Variants in PCDH15 observed in about 807,000 individuals in gnomAD.
The protein encoded by PCDH15 is protocadherin-15.
A neutral mutation model predicts 178.5 loss-of-function variants in PCDH15; 129 were observed. The observed-to-expected ratio is 0.72, with a 90% CI of 0.63 to 0.84. The LOEUF is 0.84. Among genes scored for constraint, PCDH15 ranks in the 40% least tolerant of loss-of-function variants. The probability of loss-of-function intolerance (pLI) is 0.00; values close to 1 mark genes in which losing one functional copy is unlikely to be tolerated. For synonymous variants in PCDH15, 800 were observed against 732.0 expected (o/e 1.09, Z -1.50); for missense variants, 2,230 against 2,099.9 (o/e 1.06, Z -1.21).
chr10:55,222,710 T>TACACACACACAGACACACAC (rs1554842351), intron 1 of PCDH15, among the ~76,000 whole-genome samples: 121 of 42,150 alleles, frequency 2.9e-3, no homozygotes, highest in Middle Eastern at 0.01. Context: ...TATATCTTTA[T>TACACACACACAGACACACAC]ACACACACAC....
chr10:54,233,399 T>A (rs949828150), intron 9 of PCDH15, among the ~76,000 whole-genome samples: 2 of 152,220 alleles, frequency 1.3e-5, no homozygotes, highest in Non-Finnish European at 2.9e-5. Context: ...CCATGAGTCA[T>A]TGATTAAAGA....
chr10:54,083,951 C>T (rs968338363), intron 16 of PCDH15, among the ~76,000 whole-genome samples: 4 of 152,040 alleles, frequency 2.6e-5, no homozygotes, highest in Non-Finnish European at 2.9e-5. Context: ...TTTGGCCAGG[C>T]GCGGTGGCTC....
At chr10:54,555,469 C>T (rs977010393) in intron 2 of PCDH15, among the ~76,000 whole-genome samples, 1 of 151,944 alleles carries the variant, frequency 6.6e-6, no homozygotes, top group Non-Finnish European at 1.5e-5. Flanking sequence ...CGGTGGCTCA[C>T]GCCTGTAATC....
intron 1 of PCDH15, among the ~76,000 whole-genome samples, chr10:55,315,706 G>A (rs747591507): frequency 6.6e-6 from 1 of 152,090 alleles, no homozygotes; most frequent in Admixed American, 6.6e-5. Context: ...AATGAAGTCT[G>A]CAAACTTTCT....
chr10:54,863,270 C>T (rs577185188), intron 3 of PCDH15, among the ~76,000 whole-genome samples: 111 of 152,244 alleles, frequency 7.3e-4, no homozygotes, highest in African/African-American at 2.5e-3. Context: ...AGGCAGGGCA[C>T]GGTGGCTCAC....
At chr10:55,320,451 T>C (rs1347961563), upstream of PCDH15, among the ~76,000 whole-genome samples, 5 of 150,922 alleles carry the variant, frequency 3.3e-5, no homozygotes, top group East Asian at 6.1e-4. Flanking sequence ...TCAGCAAGCA[T>C]GCACCCTGCC....
intron 1 of PCDH15, among the ~76,000 whole-genome samples, chr10:54,745,210 C>G (rs1464821967): frequency 1.3e-5 from 2 of 152,034 alleles, no homozygotes; most frequent in Non-Finnish European, 2.9e-5. Flanking sequence ...TCTTCCAAAG[C>G]TAAGTTGATT....
intron 2 of PCDH15, among the ~76,000 whole-genome samples, chr10:55,156,159 T>C (rs1838883386): frequency 6.6e-6 from 1 of 152,172 alleles, no homozygotes; most frequent in South Asian, 2.1e-4. Flanking sequence ...TGGATAATGA[T>C]CCTTCATGTG....
rs151018875 is a variant in PCDH15, at chr10:54,081,101, C to T, written c.1998-1677G>A. ...TATTTACGATGAATTACAAAACTCACGTGATAACTGAGTTGATTTCCTACC... is the reference window on the plus strand; with the variant it reads ...TATTTACGATGAATTACAAAACTCATGTGATAACTGAGTTGATTTCCTACC... On this transcript the variant is annotated intron_variant, in intron 16 of 37. Coordinates refer to ENST00000644397, the MANE Select transcript of PCDH15 (RefSeq NM_001384140.1). Among the ~76,000 whole-genome samples the T allele has an allele frequency of 8.2e-3, 1,252 of 152,100 alleles. 14 individuals carry two copies. The highest frequency in any genetic ancestry group is 0.029 in the African/African-American group (1,187 of 41,512).
chr10:54,440,501 C>T (rs926068966), intron 3 of PCDH15, among the ~76,000 whole-genome samples: 2 of 151,820 alleles, frequency 1.3e-5, no homozygotes, highest in African/African-American at 4.8e-5. Context: ...ATTCTAGATA[C>T]ATTTATTTGG....
At chr10:54,954,357 A>G (rs891458394) in intron 2 of PCDH15, among the ~76,000 whole-genome samples, 3 of 151,206 alleles carry the variant, frequency 2.0e-5, no homozygotes, top group Non-Finnish European at 1.5e-5. Context: ...AAAAATTCTA[A>G]TATCTTCCTA....
At chr10:53,850,457 C>G (rs924814375) in intron 28 of PCDH15, among the ~76,000 whole-genome samples, 18 of 152,058 alleles carry the variant, frequency 1.2e-4, no homozygotes, top group African/African-American at 4.3e-4. Context: ...GGTTACTTCT[C>G]TACTAAATAA....
chr10:53,916,926 T>C (rs780239023), intron 25 of PCDH15, among the ~76,000 whole-genome samples: 1 of 96,122 alleles, frequency 1.0e-5, no homozygotes, highest in Non-Finnish European at 2.1e-5. Context: ...ACATTATTAC[T>C]AATACCAGAA....
At chr10:54,900,766 C>T (rs957002736) in intron 2 of PCDH15, among the ~76,000 whole-genome samples, 4 of 152,112 alleles carry the variant, frequency 2.6e-5, no homozygotes, top group African/African-American at 4.8e-5. Flanking sequence ...TAACCTTCAG[C>T]GACCCAGTTT....
At chr10:54,728,470 A>C (rs1163424540) in intron 1 of PCDH15, among the ~76,000 whole-genome samples, 1 of 151,454 alleles carries the variant, frequency 6.6e-6, no homozygotes. Flanking sequence ...TGACTGACCC[A>C]CAGAGAACAT....
intron 2 of PCDH15, among the ~76,000 whole-genome samples, chr10:55,489,990 T>C (rs778543734): frequency 6.6e-6 from 1 of 151,666 alleles, no homozygotes; most frequent in African/African-American, 2.4e-5. Flanking sequence ...GACCTGCTTT[T>C]ACCCATGAAG....
chr10:54,368,716 A>G (rs1947177001), intron 5 of PCDH15, among the ~76,000 whole-genome samples: 1 of 151,962 alleles, frequency 6.6e-6, no homozygotes, highest in Admixed American at 6.6e-5. Context: ...ATAACTTTAC[A>G]TTTATAGAAC....
At chr10:55,020,098 TATATATA>T (rs912956381) in intron 2 of PCDH15, among the ~76,000 whole-genome samples, 14 of 146,738 alleles carry the variant, frequency 9.5e-5, no homozygotes, top group African/African-American at 3.5e-4. Flanking sequence ...TCCCTCTCTC[TATATATA>T]ATATATATGT....
At chr10:54,647,116 G>A (rs1590806834) in intron 2 of PCDH15, among the ~76,000 whole-genome samples, 1 of 152,140 alleles carries the variant, frequency 6.6e-6, no homozygotes, top group Non-Finnish European at 1.5e-5. Context: ...AATACATAAA[G>A]AGAATGCAGT....
Sources: gnomAD v4.1 joint callset for allele counts (sites outside exome capture counted in the v4.1 genomes callset) on GRCh38, gnomAD v4.1.1 for gene constraint, MANE v1.5 for transcripts, NCBI Gene and HGNC (gene_info 2026-07-23, HGNC 2026-07-21) for gene names.